RBM33: variants seen among roughly 807,000 people sequenced by gnomAD.
RBM33 encodes the protein RNA-binding protein 33.
Under a neutral mutation model 132.6 loss-of-function variants are expected in RBM33, and 28 were observed. That is an observed-to-expected ratio of 0.21 (90% confidence interval 0.16 to 0.29). The LOEUF (loss-of-function observed/expected upper bound fraction) is 0.29. Among genes scored for constraint, RBM33 ranks in the 10% least tolerant of loss-of-function variants. The pLI, the probability that RBM33 is intolerant of heterozygous loss-of-function variation, is 1.00. For missense variants in RBM33, 1,291 were observed against 1,518.5 expected (o/e 0.85, Z 2.49); for synonymous variants, 634 against 593.0 (o/e 1.07, Z -1.01).
At position 155,739,906 on chromosome 7, in the gene RBM33, C is replaced by G; in HGVS notation, c.1929C>G (p.Ser643=). Residue 643 remains serine (S), a synonymous_variant, in exon 12 of 18, where the codon TCC becomes TCG. Coordinates refer to ENST00000401878, the MANE Select transcript of RBM33 (RefSeq NM_053043.3). ...ACCACCACCACCACCACCACCTGTC[C>G]GTCCCGCCCCCTCCTTTGATGCCGA... The part of the protein sequence containing the change: ...HQHHHHHHHL[S]VPPPPLMPMS... The G allele has an allele frequency of 6.5e-7, 1 of 1,550,216 alleles. No homozygotes were observed. Among genetic ancestry groups the G allele is most frequent in the Non-Finnish European group, 8.7e-7 (1 of 1,146,742 alleles).
intron 16 of RBM33, among the ~76,000 whole-genome samples, chr7:155,770,757 C>T (rs1237958968): frequency 1.3e-5 from 2 of 152,124 alleles, no homozygotes; most frequent in Non-Finnish European, 2.9e-5. Context: ...CACAGCCATG[C>T]ACAGACATGT....
At position 155,774,627 on chromosome 7, in the gene RBM33, A is replaced by G. The variant is rs764311829; in HGVS notation, c.3444A>G (p.Ala1148=). 7 of 1,613,862 alleles carry G rather than the reference A, an allele frequency of 4.3e-6. No individual in the cohort carries two copies. The East Asian group carries it at 8.9e-5, about 21-fold the overall frequency. The part of the protein sequence containing the change: ...AKFKEPAHAL[A]FQQKFHRHMI... ...TCAAGGAGCCAGCCCACGCATTAGC[A>G]TTTCAGCAGAAATTCCACAGGTGAC... Residue 1148 remains alanine, a synonymous_variant, in exon 17 of 18, where the codon GCA becomes GCG. Transcript: ENST00000401878. This position sits in a 1 kb window ranked among gnomAD's most constrained non-coding sequence, Gnocchi z 4.2.
At chr7:155,664,473 G>T (rs1376419235) in intron 1 of RBM33, among the ~76,000 whole-genome samples, 1 of 150,342 alleles carries the variant, frequency 6.7e-6, no homozygotes, top group African/African-American at 2.5e-5. Context: ...GCTTTGCTAT[G>T]TTGGCCGAGC....
chr7:155,673,764 G>GCA (rs141072820), intron 3 of RBM33, among the ~76,000 whole-genome samples: 422 of 17,244 alleles, frequency 0.024, 30 homozygotes, highest in African/African-American at 0.043. Flanking sequence ...ACGCGCGCAT[G>GCA]CGCGCACACA....
chr7:155,714,303 GGGA>G (rs1322380531), intron 8 of RBM33, among the ~76,000 whole-genome samples: 1 of 152,216 alleles, frequency 6.6e-6, no homozygotes, highest in African/African-American at 2.4e-5. Flanking sequence ...GTAGATGCCA[GGGA>G]GGAGAAGACA....
chr7:155,706,088 C>T (rs968623230), intron 6 of RBM33, among the ~76,000 whole-genome samples: 1 of 152,178 alleles, frequency 6.6e-6, no homozygotes, highest in Admixed American at 6.5e-5. Context: ...TGTGTTCTTG[C>T]GTCTATGTGC....
intron 13 of RBM33, among the ~76,000 whole-genome samples, chr7:155,743,151 A>T (rs772463043): frequency 6.6e-6 from 1 of 152,260 alleles, no homozygotes; most frequent in Non-Finnish European, 1.5e-5. Context: ...ATTAACATAC[A>T]ATGAACTCTT....
intron 1 of RBM33, among the ~76,000 whole-genome samples, chr7:155,655,250 A>G (rs903519956): frequency 6.6e-6 from 1 of 152,138 alleles, no homozygotes; most frequent in African/African-American, 2.4e-5. Context: ...ATATTTTTTC[A>G]TGTCAGGAAA....
At chr7:155,665,030 A>C in intron 1 of RBM33, 145 bp from the exon 2 acceptor site, 1 of 581,620 alleles carries the variant, frequency 1.7e-6, no homozygotes, top group South Asian at 2.3e-5. Context: ...AAAATGGCTA[A>C]AGTAAAATGA....
intron 16 of RBM33, among the ~76,000 whole-genome samples, chr7:155,772,731 C>T (rs1220710211): frequency 1.3e-5 from 2 of 152,210 alleles, no homozygotes; most frequent in Non-Finnish European, 2.9e-5. Context: ...GCCTAGTGGG[C>T]TGCCTCATTG....
intron 9 of RBM33, among the ~76,000 whole-genome samples, chr7:155,734,932 T>G (rs1394251693): frequency 6.6e-6 from 1 of 152,204 alleles, no homozygotes; most frequent in Non-Finnish European, 1.5e-5. Context: ...CCTTGATTGC[T>G]AATTTATTGT....
intron 14 of RBM33, among the ~76,000 whole-genome samples, chr7:155,746,007 TAC>T (rs1273602981): frequency 6.6e-6 from 1 of 152,286 alleles, no homozygotes; most frequent in South Asian, 2.1e-4. Context: ...ACAGTAAAAA[TAC>T]AGTGTCATAA....
At chr7:155,739,177 A>G (rs1801233395) in intron 11 of RBM33, 1 of 152,274 alleles carries the variant, frequency 6.6e-6, no homozygotes, top group African/African-American at 2.4e-5. Flanking sequence ...GAAATTTTCA[A>G]GTATATATAA....
At chr7:155,709,443 T>C (rs940426803) in intron 7 of RBM33, among the ~76,000 whole-genome samples, 16 of 152,216 alleles carry the variant, frequency 1.1e-4, no homozygotes, top group African/African-American at 3.6e-4. Flanking sequence ...CCAGCACTGT[T>C]CCTCTTGCTG....
intron 13 of RBM33, among the ~76,000 whole-genome samples, chr7:155,742,913 G>C (rs1045352336): frequency 6.6e-6 from 1 of 152,200 alleles, no homozygotes; most frequent in African/African-American, 2.4e-5. Flanking sequence ...AAATGCATGT[G>C]GAGTGCTCTG....
At chr7:155,751,118 G>A (rs991282382) in intron 14 of RBM33, among the ~76,000 whole-genome samples, 5 of 152,142 alleles carry the variant, frequency 3.3e-5, no homozygotes, top group Admixed American at 2.0e-4. Flanking sequence ...CCGTTTTGTG[G>A]AGCTTGGGGA....
At chr7:155,662,089 C>A (rs942255381) in intron 1 of RBM33, among the ~76,000 whole-genome samples, 3 of 150,810 alleles carry the variant, frequency 2.0e-5, no homozygotes, top group Non-Finnish European at 2.9e-5. Flanking sequence ...ACCCCTCCGC[C>A]GAAGCTTCTG....
intron 1 of RBM33, among the ~76,000 whole-genome samples, chr7:155,660,913 G>A (rs556438023): frequency 6.6e-6 from 1 of 151,978 alleles, no homozygotes; most frequent in East Asian, 1.9e-4. Context: ...CTTTGAGGCT[G>A]TGTTCAGTTT....
chr7:155,696,791 A>G (rs1331290647), intron 5 of RBM33, among the ~76,000 whole-genome samples: 4 of 152,134 alleles, frequency 2.6e-5, no homozygotes, highest in African/African-American at 9.7e-5. Flanking sequence ...CACATAACCC[A>G]TCGTTGTCTC....
Sources: gnomAD v4.1 joint callset for allele counts (sites outside exome capture counted in the v4.1 genomes callset) on GRCh38, gnomAD v4.1.1 for gene constraint, Gnocchi (gnomAD v3.1) non-coding constraint, MANE v1.5 for transcripts, NCBI Gene and HGNC (gene_info 2026-07-23, HGNC 2026-07-21) for gene names.